Variants in LHFPL2 observed in about 807,000 individuals in gnomAD.
LHFPL2 encodes LHFPL tetraspan subfamily member 2.
In LHFPL2, 7 loss-of-function variants were observed where a neutral mutation model predicts 17.5. The observed-to-expected ratio is 0.40, with a 90% CI of 0.23 to 0.75. LHFPL2 has a LOEUF of 0.75. Among genes scored for constraint, LHFPL2 ranks in the 30% least tolerant of loss-of-function variants. The pLI, the probability that LHFPL2 is intolerant of heterozygous loss-of-function variation, is 0.37. For missense variants in LHFPL2, 241 were observed against 294.8 expected, an observed-to-expected ratio of 0.82 and a Z score of 1.34; for synonymous variants, 134 against 116.2, an observed-to-expected ratio of 1.15 and a Z score of -0.99.
chr5:78,525,674 C>T lies in LHFPL2; in HGVS notation c.-185-15276G>A, dbSNP rs115268532. ...AGAGAAAAGAGATGAAATGCGAAAACGGATACAGACTAAGGAGAAATATCC... is the reference window on the plus strand; with the variant it reads ...AGAGAAAAGAGATGAAATGCGAAAATGGATACAGACTAAGGAGAAATATCC... On this transcript the variant is annotated intron_variant, in intron 3 of 4. Coordinates refer to ENST00000380345, the MANE Select transcript of LHFPL2 (RefSeq NM_005779.3). Among the ~76,000 whole-genome samples the T allele has an allele frequency of 4.8e-3, 724 of 152,256 alleles. 5 individuals are homozygous for T. The highest frequency in any genetic ancestry group is 0.017 in the African/African-American group (690 of 41,546).
intron 3 of LHFPL2, among the ~76,000 whole-genome samples, chr5:78,542,124 T>C (rs556218661): frequency 6.6e-6 from 1 of 152,172 alleles, no homozygotes; most frequent in South Asian, 2.1e-4. Context: ...GCTTTTTTTT[T>C]TTTTAATGTC....
chr5:78,578,547 T>G (rs752822012), intron 2 of LHFPL2, among the ~76,000 whole-genome samples: 1 of 151,814 alleles, frequency 6.6e-6, no homozygotes, highest in Non-Finnish European at 1.5e-5. Flanking sequence ...CATTTACCCC[T>G]GTTTAGGAAG....
chr5:78,526,900 TA>T (rs1464190082), intron 3 of LHFPL2, among the ~76,000 whole-genome samples: 7 of 152,068 alleles, frequency 4.6e-5, no homozygotes, highest in Non-Finnish European at 8.8e-5. Flanking sequence ...TTTCACAAGA[TA>T]AAAACATCCA....
intron 2 of LHFPL2, among the ~76,000 whole-genome samples, chr5:78,610,764 C>T (rs1744396278): frequency 6.6e-6 from 1 of 152,062 alleles, no homozygotes; most frequent in South Asian, 2.1e-4. Flanking sequence ...CACGCTTGCT[C>T]CCTCCCTCCC....
intron 2 of LHFPL2, among the ~76,000 whole-genome samples, chr5:78,580,110 C>A (rs1743056039): frequency 6.6e-6 from 1 of 152,036 alleles, no homozygotes; most frequent in Non-Finnish European, 1.5e-5. Flanking sequence ...TGATGGTGAG[C>A]ATTTTTTCAT....
At chr5:78,535,756 C>A (rs1444367310) in intron 3 of LHFPL2, among the ~76,000 whole-genome samples, 1 of 152,142 alleles carries the variant, frequency 6.6e-6, no homozygotes, top group Non-Finnish European at 1.5e-5. Flanking sequence ...AGCTTCCTTA[C>A]GGCAGGGGGA....
At chr5:78,631,504 G>T (rs1745245259) in intron 2 of LHFPL2, among the ~76,000 whole-genome samples, 1 of 152,224 alleles carries the variant, frequency 6.6e-6, no homozygotes, top group Admixed American at 6.5e-5. Context: ...GGAAAAAGAT[G>T]TGCACAAACA....
chr5:78,541,449 A>G (rs904585771), intron 3 of LHFPL2, among the ~76,000 whole-genome samples: 2 of 152,194 alleles, frequency 1.3e-5, no homozygotes, highest in African/African-American at 2.4e-5. Flanking sequence ...TACAGAGTTC[A>G]TATTTCAAAC....
At chr5:78,511,521 C>A (rs1196373873) in intron 3 of LHFPL2, among the ~76,000 whole-genome samples, 1 of 152,170 alleles carries the variant, frequency 6.6e-6, no homozygotes, top group Non-Finnish European at 1.5e-5. Flanking sequence ...GGCACATGGC[C>A]CTGCTCTGAA....
chr5:78,504,662 C>T (rs1407213739), intron 4 of LHFPL2, among the ~76,000 whole-genome samples: 1 of 152,220 alleles, frequency 6.6e-6, no homozygotes, highest in Non-Finnish European at 1.5e-5. Flanking sequence ...ACGTGTCTGT[C>T]TCTGCTTTTC....
At chr5:78,539,664 G>A (rs560540958) in intron 3 of LHFPL2, among the ~76,000 whole-genome samples, 28 of 152,206 alleles carry the variant, frequency 1.8e-4, no homozygotes, top group African/African-American at 6.5e-4. Flanking sequence ...ATGGGAATGA[G>A]GCTCTGCAGT....
At chr5:78,509,189 G>C (rs1755025483) in intron 4 of LHFPL2, among the ~76,000 whole-genome samples, 1 of 152,188 alleles carries the variant, frequency 6.6e-6, no homozygotes, top group Non-Finnish European at 1.5e-5. Context: ...TGAATGCACA[G>C]AACATTCTGT....
chr5:78,628,450 G>A (rs1265268547), intron 2 of LHFPL2, among the ~76,000 whole-genome samples: 1 of 152,198 alleles, frequency 6.6e-6, no homozygotes, highest in East Asian at 1.9e-4. Flanking sequence ...GTCACAATCA[G>A]TTCAATCTTC....
chr5:78,555,721 A>C (rs1580803870), intron 3 of LHFPL2, among the ~76,000 whole-genome samples: 1 of 152,308 alleles, frequency 6.6e-6, no homozygotes, highest in African/African-American at 2.4e-5. Flanking sequence ...CACCTGGAGG[A>C]GAGGGTCTGG....
intron 4 of LHFPL2, among the ~76,000 whole-genome samples, chr5:78,495,895 G>C (rs181678102): frequency 1.3e-5 from 2 of 152,294 alleles, no homozygotes; most frequent in African/African-American, 4.8e-5. Context: ...GCTGGTGATA[G>C]TCAACAATCT....
At chr5:78,505,742 T>C (rs1164908970) in intron 4 of LHFPL2, among the ~76,000 whole-genome samples, 1 of 152,248 alleles carries the variant, frequency 6.6e-6, no homozygotes, top group African/African-American at 2.4e-5. Flanking sequence ...ATACTAAAAC[T>C]TGCCAAGAAA....
At chr5:78,628,346 C>T (rs1333191509) in intron 2 of LHFPL2, among the ~76,000 whole-genome samples, 1 of 152,186 alleles carries the variant, frequency 6.6e-6, no homozygotes, top group African/African-American at 2.4e-5. Context: ...GGATATGAGA[C>T]CCTGAACACC....
chr5:78,635,804 AAAACAAAC>A (rs35936466), intron 1 of LHFPL2, among the ~76,000 whole-genome samples: 1 of 151,308 alleles, frequency 6.6e-6, no homozygotes, highest in Non-Finnish European at 1.5e-5. Flanking sequence ...CTCCGTCTCA[AAAACAAAC>A]AAACAAACAA....
rs539854352 is a variant in LHFPL2 at position 78,572,225 on chromosome 5, G to C, written c.-244-7354C>G. 2.0e-5 allele frequency among the ~76,000 whole-genome samples: 3 copies of C among 152,094 alleles called. No homozygotes were observed. The East Asian group carries it at 5.8e-4, about 29-fold the overall frequency. Reference sequence around the variant, plus strand: ...ACCTATGAAGTTTCCTATGACTGAAGTCATATGAAAGAGTGAGATTACCCC... The same window carrying C: ...ACCTATGAAGTTTCCTATGACTGAACTCATATGAAAGAGTGAGATTACCCC... On this transcript the variant is annotated intron_variant, in intron 2 of 4. Coordinates refer to ENST00000380345, the MANE Select transcript of LHFPL2 (RefSeq NM_005779.3).
Sources: allele counts gnomAD v4.1 joint callset (sites outside exome capture counted in the v4.1 genomes callset), GRCh38; gene constraint gnomAD v4.1.1; transcripts MANE v1.5; gene names NCBI Gene and HGNC (gene_info 2026-07-23, HGNC 2026-07-21).